The following S100PBP variants were observed in gnomAD, a reference collection of about 807,000 sequenced individuals.
The protein encoded by S100PBP is S100P binding protein, also known as S100P-binding protein.
In S100PBP, 15 loss-of-function variants were observed where a neutral mutation model predicts 39.9. That is an observed-to-expected ratio of 0.38 (90% CI 0.25 to 0.58). S100PBP has a LOEUF of 0.58. Among genes scored for constraint, S100PBP ranks in the 20% least tolerant of loss-of-function variants. S100PBP has a pLI of 0.70. For synonymous variants in S100PBP, 178 were observed against 180.3 expected (o/e 0.99, Z 0.10); for missense variants, 504 against 487.3 (o/e 1.03, Z -0.32).
chr1:32,843,478 A>G (rs1344527432), intron 5 of S100PBP, among the ~76,000 whole-genome samples: 1 of 149,460 alleles, frequency 6.7e-6, no homozygotes, highest in Non-Finnish European at 1.5e-5. Context: ...TTTTTTTGAG[A>G]TGAAGTTTCA....
chr1:32,838,290 C>T (rs911787350), intron 5 of S100PBP, among the ~76,000 whole-genome samples: 2 of 146,494 alleles, frequency 1.4e-5, no homozygotes, highest in Non-Finnish European at 3.0e-5. Flanking sequence ...GCCGAGATAG[C>T]GCCACTGCAG....
chr1:32,827,303 A>G (rs905288484), intron 3 of S100PBP, among the ~76,000 whole-genome samples: 4 of 151,922 alleles, frequency 2.6e-5, no homozygotes, highest in African/African-American at 7.3e-5. Flanking sequence ...TAATTCTGTT[A>G]TTTTTCTTGT....
intron 5 of S100PBP, chr1:32,835,666 G>C (rs1328618790): frequency 6.6e-6 from 1 of 151,570 alleles, no homozygotes; most frequent in Middle Eastern, 3.2e-3. Context: ...TTATCTTTTT[G>C]TGACTGGCTT....
intron 5 of S100PBP, among the ~76,000 whole-genome samples, chr1:32,844,802 G>T (rs993001720): frequency 6.6e-6 from 1 of 151,264 alleles, no homozygotes; most frequent in Non-Finnish European, 1.5e-5. Flanking sequence ...TAGATCTATA[G>T]AGAGATATAT....
chr1:32,857,002 A>G lies in S100PBP; in HGVS notation c.*964A>G, dbSNP rs1640838080. The G allele has an allele frequency of 5.9e-5, 9 of 152,014 alleles. No individual in the cohort carries two copies. Among genetic ancestry groups the G allele is most frequent in the Admixed American group, 5.9e-4 (9 of 15,276 alleles). 9.4% of individuals were successfully genotyped at this position (152,014 alleles called of 1,614,324 possible). On this transcript the variant is annotated 3_prime_UTR_variant, in exon 7 of 7. Transcript: ENST00000373475. ...GGCAGGCTAGTGCTATTGTGGTGTC[A>G]GTTGATATTTAGTTTCATTTGCTGA...
At chr1:32,837,559 C>T (rs1639887468) in intron 5 of S100PBP, among the ~76,000 whole-genome samples, 1 of 142,480 alleles carries the variant, frequency 7.0e-6, no homozygotes, top group Non-Finnish European at 1.5e-5. Flanking sequence ...AAGCAAAACT[C>T]CGTCTCAAAA....
chr1:32,834,563 A>G (rs1478324757), intron 5 of S100PBP, among the ~76,000 whole-genome samples: 1 of 152,220 alleles, frequency 6.6e-6, no homozygotes, highest in Non-Finnish European at 1.5e-5. Flanking sequence ...ATCCTACACT[A>G]TACCCTACAC....
intron 1 of S100PBP, among the ~76,000 whole-genome samples, chr1:32,821,761 A>G (rs1639077744): frequency 6.6e-6 from 1 of 151,520 alleles, no homozygotes; most frequent in African/African-American, 2.4e-5. Flanking sequence ...CAGACTTCTG[A>G]ATAGCTGGGG....
chr1:32,823,390 T>C (rs1481285044), intron 1 of S100PBP, among the ~76,000 whole-genome samples: 2 of 152,232 alleles, frequency 1.3e-5, no homozygotes, highest in Non-Finnish European at 2.9e-5. Flanking sequence ...TTACTTTTCA[T>C]AGAGGCAGCT....
At chr1:32,834,448 C>T (rs547862877) in intron 5 of S100PBP, among the ~76,000 whole-genome samples, 14 of 152,252 alleles carry the variant, frequency 9.2e-5, no homozygotes, top group African/African-American at 3.4e-4. Context: ...ATTTGTTCCT[C>T]CATTCTCTGT....
intron 6 of S100PBP, among the ~76,000 whole-genome samples, chr1:32,854,465 A>G (rs1453997488): frequency 1.3e-5 from 2 of 152,154 alleles, no homozygotes; most frequent in African/African-American, 4.8e-5. Flanking sequence ...TCTTCTTTGA[A>G]TATTTTTGAC....
intron 5 of S100PBP, chr1:32,842,636 C>CT (rs1226931141): frequency 6.6e-6 from 1 of 151,952 alleles, no homozygotes; most frequent in Non-Finnish European, 1.5e-5. Context: ...ACTCTGTTGC[C>CT]TAGGCTGTCG....
chr1:32,854,452 T>C (rs1640745084), intron 6 of S100PBP, among the ~76,000 whole-genome samples: 1 of 152,174 alleles, frequency 6.6e-6, no homozygotes. Context: ...AACCATTCAT[T>C]TTTCTTCTTT....
intron 4 of S100PBP, 25 bp downstream of exon 4, chr1:32,828,106 TC>T: frequency 1.4e-6 from 2 of 1,472,522 alleles, no homozygotes; most frequent in Non-Finnish European, 1.9e-6. Context: ...AATTAAATAT[TC>T]TGATTTATTT....
intron 5 of S100PBP, among the ~76,000 whole-genome samples, chr1:32,840,065 A>C (rs1640016259): frequency 6.6e-6 from 1 of 151,958 alleles, no homozygotes; most frequent in Non-Finnish European, 1.5e-5. Flanking sequence ...GCTCACTGCA[A>C]CCTCTGCCTC....
chr1:32,819,305 C>T (rs530992962), intron 1 of S100PBP, among the ~76,000 whole-genome samples: 2 of 152,308 alleles, frequency 1.3e-5, no homozygotes, highest in East Asian at 3.9e-4. Context: ...TGGTGGCTCA[C>T]GCCTGTAATC....
At chr1:32,837,885 C>T (rs1277618518) in intron 5 of S100PBP, among the ~76,000 whole-genome samples, 1 of 152,084 alleles carries the variant, frequency 6.6e-6, no homozygotes, top group African/African-American at 2.4e-5. Context: ...TTTACCCATT[C>T]ACTTAGATGG....
At chr1:32,827,860 G>T in intron 3 of S100PBP, 133 bp from the exon 4 acceptor site, 1 of 456,412 alleles carries the variant, frequency 2.2e-6, no homozygotes, top group Non-Finnish European at 4.1e-6. Flanking sequence ...ACTGTTATAC[G>T]TGGTACACAG....
intron 5 of S100PBP, among the ~76,000 whole-genome samples, chr1:32,841,622 G>A (rs572533083): frequency 6.6e-5 from 10 of 151,008 alleles, no homozygotes; most frequent in South Asian, 4.2e-4. Flanking sequence ...CTAGCTACTC[G>A]GGAGGCTGAG....
Sources: allele counts gnomAD v4.1 joint callset (sites outside exome capture counted in the v4.1 genomes callset), GRCh38; gene constraint gnomAD v4.1.1; transcripts MANE v1.5; gene names NCBI Gene and HGNC (gene_info 2026-07-23, HGNC 2026-07-21).